The following JAM3 variants were observed in gnomAD, a reference collection of about 807,000 sequenced individuals.
JAM3 encodes junctional adhesion molecule C.
In JAM3, 31 loss-of-function variants were observed where a neutral mutation model predicts 39.4. That is an observed-to-expected ratio of 0.79 (90% confidence interval 0.59 to 1.06). The LOEUF is 1.06. JAM3 is among the 50% of genes least tolerant of loss of function. The pLI is 0.00. For synonymous variants in JAM3, 182 were observed against 148.7 expected, an observed-to-expected ratio of 1.22 and a Z score of -1.63; for missense variants, 455 against 391.4, an observed-to-expected ratio of 1.16 and a Z score of -1.37.
chr11:134,081,388 T>G (rs540759639), intron 1 of JAM3, among the ~76,000 whole-genome samples: 6 of 152,222 alleles, frequency 3.9e-5, no homozygotes, highest in African/African-American at 1.4e-4. Context: ...GAAAAAGTGG[T>G]TTCATGGGCC....
intron 1 of JAM3, among the ~76,000 whole-genome samples, chr11:134,074,122 A>G (rs1941526471): frequency 6.6e-6 from 1 of 152,240 alleles, no homozygotes; most frequent in African/African-American, 2.4e-5. Context: ...TATATACTGT[A>G]TGATTACGAT....
chr11:134,090,862 T>TATAC (rs1941835362), intron 1 of JAM3, among the ~76,000 whole-genome samples: 1 of 152,214 alleles, frequency 6.6e-6, no homozygotes, highest in South Asian at 2.1e-4. Context: ...TCTGAACATG[T>TATAC]ATACATACAC....
intron 1 of JAM3, 58 bp from the exon 2 acceptor site, chr11:134,139,793 A>C: frequency 1.5e-6 from 2 of 1,375,924 alleles, no homozygotes; most frequent in Non-Finnish European, 2.1e-6. Flanking sequence ...CCTCAGTGCA[A>C]GGTTTCTCTG....
At chr11:134,077,415 G>T (rs1480699549) in intron 1 of JAM3, among the ~76,000 whole-genome samples, 1 of 150,502 alleles carries the variant, frequency 6.6e-6, no homozygotes, top group East Asian at 2.0e-4. Context: ...CCAGGCTGGA[G>T]TGCAATGGCG....
At chr11:134,133,406 C>T (rs1191879275) in intron 1 of JAM3, among the ~76,000 whole-genome samples, 1 of 152,156 alleles carries the variant, frequency 6.6e-6, no homozygotes, top group African/African-American at 2.4e-5. Flanking sequence ...TCTTTCACCA[C>T]TGAATATGCT....
intron 1 of JAM3, among the ~76,000 whole-genome samples, chr11:134,093,650 TC>T (rs1369015467): frequency 9.5e-6 from 1 of 105,234 alleles, no homozygotes; most frequent in Admixed American, 8.9e-5. Context: ...ACATGTCACT[TC>T]CTGAGGGAAG....
chr11:134,148,682 C>T lies in JAM3; in HGVS notation c.842+6C>T, dbSNP rs762621149. The T allele has an allele frequency of 1.9e-6, 3 of 1,614,080 alleles. No individual in the cohort carries two copies. The highest frequency in any genetic ancestry group is 1.1e-5 in the South Asian group (1 of 91,078). On this transcript the variant is annotated splice_donor_region_variant and intron_variant, in intron 7 of 8. Transcript: ENST00000299106. Reference sequence around the variant, plus strand: ...AATAAACAGGATGGAGAAAGGTGAGCCTGCCTTATGTGAAAAAAGGGAAGT... The same window carrying T: ...AATAAACAGGATGGAGAAAGGTGAGTCTGCCTTATGTGAAAAAAGGGAAGT...
At chr11:134,120,882 A>G (rs1444905892) in intron 1 of JAM3, among the ~76,000 whole-genome samples, 1 of 152,220 alleles carries the variant, frequency 6.6e-6, no homozygotes, top group Non-Finnish European at 1.5e-5. Flanking sequence ...TTGTTTTAAT[A>G]ATATTTTATG....
intron 1 of JAM3, among the ~76,000 whole-genome samples, chr11:134,135,840 G>C (rs1020591163): frequency 6.6e-6 from 1 of 152,050 alleles, no homozygotes; most frequent in African/African-American, 2.4e-5. Context: ...GGGCCGAGGC[G>C]GGTAGAACAC....
intron 1 of JAM3, among the ~76,000 whole-genome samples, chr11:134,105,007 G>A (rs1942154846): frequency 6.6e-6 from 1 of 152,150 alleles, no homozygotes; most frequent in Non-Finnish European, 1.5e-5. Context: ...CTCATTTTAT[G>A]AGGCCAGGAT....
intron 1 of JAM3, among the ~76,000 whole-genome samples, chr11:134,105,805 C>G (rs963098114): frequency 2.0e-5 from 3 of 152,122 alleles, no homozygotes; most frequent in African/African-American, 7.2e-5. Context: ...TGTGAAGGAC[C>G]TCTTCAAGGA....
At chr11:134,106,024 A>G (rs1279463094) in intron 1 of JAM3, among the ~76,000 whole-genome samples, 1 of 152,258 alleles carries the variant, frequency 6.6e-6, no homozygotes, top group African/African-American at 2.4e-5. Context: ...GAACCAAAAA[A>G]GAGCCCACAT....
At chr11:134,078,240 C>G (rs1274364718) in intron 1 of JAM3, among the ~76,000 whole-genome samples, 2 of 152,106 alleles carry the variant, frequency 1.3e-5, no homozygotes, top group East Asian at 1.9e-4. Flanking sequence ...CCGCCTCAGC[C>G]TCCTGAGTAG....
chr11:134,116,455 CT>C (rs1942435758), intron 1 of JAM3, among the ~76,000 whole-genome samples: 1 of 152,064 alleles, frequency 6.6e-6, no homozygotes, highest in African/African-American at 2.4e-5. Context: ...GTATTGTATT[CT>C]TTGTATTATA....
chr11:134,070,259 C>T (rs1183866879), intron 1 of JAM3: 1 of 455,582 alleles, frequency 2.2e-6, no homozygotes, highest in East Asian at 7.0e-5. Flanking sequence ...CCACACTCTT[C>T]CCCTGGCAGC....
Position 134,148,908 on chromosome 11 carries a change from T to G in JAM3, c.897+90T>G, listed in dbSNP as rs889654202. 26 of 1,357,762 alleles carry G rather than the reference T, an allele frequency of 1.9e-5. No homozygotes were observed. The South Asian group carries it at 2.3e-4, about 12-fold the overall frequency. 84.1% of individuals were successfully genotyped at this position (1,357,762 alleles called of 1,614,324 possible). Reference sequence around the variant, plus strand: ...AAACCACACGGGTCTCCTGGGAAGATTTCTGAGTGATTGTGCAGCTCCTGA... The same window carrying G: ...AAACCACACGGGTCTCCTGGGAAGAGTTCTGAGTGATTGTGCAGCTCCTGA... On this transcript the variant is annotated intron_variant, in intron 8 of 8. Transcript: ENST00000299106.
At chr11:134,110,519 T>C (rs972224625) in intron 1 of JAM3, among the ~76,000 whole-genome samples, 6 of 152,212 alleles carry the variant, frequency 3.9e-5, no homozygotes, top group African/African-American at 7.2e-5. Flanking sequence ...AAAATAATTA[T>C]GCTGAGTGAA....
intron 1 of JAM3, among the ~76,000 whole-genome samples, chr11:134,113,622 T>C (rs1173121604): frequency 6.6e-6 from 1 of 152,226 alleles, no homozygotes; most frequent in Non-Finnish European, 1.5e-5. Context: ...TTCCAAGTCT[T>C]TGCTATTGTG....
chr11:134,127,804 A>G (rs1467964968), intron 1 of JAM3, among the ~76,000 whole-genome samples: 1 of 152,252 alleles, frequency 6.6e-6, no homozygotes, highest in Non-Finnish European at 1.5e-5. Flanking sequence ...CGCTGCTCCT[A>G]GAATCACATT....
Sources: allele counts gnomAD v4.1 joint callset (sites outside exome capture counted in the v4.1 genomes callset), GRCh38; gene constraint gnomAD v4.1.1; transcripts MANE v1.5; gene names NCBI Gene and HGNC (gene_info 2026-07-23, HGNC 2026-07-21).